The following CEP112 variants were observed in gnomAD, a reference collection of about 807,000 sequenced individuals.
CEP112 encodes centrosomal protein of 112 kDa.
Under a neutral mutation model 153.0 loss-of-function variants are expected in CEP112, and 127 were observed. That is an observed-to-expected ratio of 0.83 (90% CI 0.72 to 0.96). The LOEUF is 0.96. Ranked by LOEUF, CEP112 falls within the 40% of genes least tolerant of loss-of-function variation. The pLI is 0.00. For missense variants in CEP112, 1,089 were observed against 1,101.2 expected, an observed-to-expected ratio of 0.99 and a Z score of 0.16; for synonymous variants, 358 against 374.4, an observed-to-expected ratio of 0.96 and a Z score of 0.51.
At chr17:65,729,911 TCAAACAAACAAA>T (rs67336747) in intron 23 of CEP112, among the ~76,000 whole-genome samples, 19,160 of 151,170 alleles carry the variant, frequency 0.13, 2,244 homozygotes, top group African/African-American at 0.31. Flanking sequence ...AGATCCTGTC[TCAAACAAACAAA>T]CAAACAAACA....
intron 8 of CEP112, among the ~76,000 whole-genome samples, chr17:66,094,612 C>T (rs909524494): frequency 1.3e-5 from 2 of 151,872 alleles, no homozygotes; most frequent in South Asian, 2.1e-4. Flanking sequence ...GGATATGAAC[C>T]GAAAAGCATA....
chr17:65,806,225 A>C (rs566812823), intron 21 of CEP112, among the ~76,000 whole-genome samples: 1 of 152,342 alleles, frequency 6.6e-6, no homozygotes, highest in Admixed American at 6.5e-5. Flanking sequence ...ATGCATAAAC[A>C]AGTAAAACAA....
intron 20 of CEP112, among the ~76,000 whole-genome samples, chr17:65,869,218 T>C (rs570770789): frequency 6.6e-6 from 1 of 152,356 alleles, no homozygotes; most frequent in South Asian, 2.1e-4. Context: ...TATTTAGAAA[T>C]ACAGCCAGCA....
intron 21 of CEP112, among the ~76,000 whole-genome samples, chr17:65,800,525 G>A (rs1287443428): frequency 6.6e-6 from 1 of 151,974 alleles, no homozygotes; most frequent in Non-Finnish European, 1.5e-5. Flanking sequence ...TGGGAATTTG[G>A]GTTGCTTATA....
At chr17:65,722,862 C>T (rs373100919) in intron 23 of CEP112, among the ~76,000 whole-genome samples, 226 of 152,240 alleles carry the variant, frequency 1.5e-3, no homozygotes, top group African/African-American at 4.9e-3. Flanking sequence ...TTGAAGTGAT[C>T]GGAGCTCAGG....
chr17:65,668,898 T>C (rs902266671), intron 24 of CEP112, among the ~76,000 whole-genome samples: 54 of 152,164 alleles, frequency 3.5e-4, no homozygotes, highest in African/African-American at 1.2e-3. Context: ...TCTCTCTCCA[T>C]CACTCCACTT....
intron 6 of CEP112, among the ~76,000 whole-genome samples, chr17:66,105,796 A>C (rs1329863059): frequency 3.3e-5 from 5 of 152,174 alleles, no homozygotes; most frequent in Non-Finnish European, 5.9e-5. Flanking sequence ...CCATCTCAAA[A>C]AAATGAGCCT....
At chr17:65,777,706 T>C (rs2053762334) in intron 21 of CEP112, among the ~76,000 whole-genome samples, 1 of 152,204 alleles carries the variant, frequency 6.6e-6, no homozygotes, top group Non-Finnish European at 1.5e-5. Flanking sequence ...CTCCCTAAAG[T>C]TTTATTCAAA....
At chr17:65,891,482 C>A (rs543099594) in intron 20 of CEP112, among the ~76,000 whole-genome samples, 33 of 152,242 alleles carry the variant, frequency 2.2e-4, no homozygotes, top group African/African-American at 7.5e-4. Flanking sequence ...ACCATCTATA[C>A]AGCTGCTCAA....
At chr17:65,770,384 C>T (rs1411479142) in intron 21 of CEP112, among the ~76,000 whole-genome samples, 1 of 151,778 alleles carries the variant, frequency 6.6e-6, no homozygotes, top group East Asian at 1.9e-4. Context: ...AAATGCATAT[C>T]CAGTGAAACT....
At chr17:65,904,111 G>A (rs1247919433) in intron 19 of CEP112, among the ~76,000 whole-genome samples, 1 of 152,114 alleles carries the variant, frequency 6.6e-6, no homozygotes, top group Non-Finnish European at 1.5e-5. Flanking sequence ...GGGCAATCAC[G>A]CAAGAGAAAC....
intron 19 of CEP112, 84 bp from the exon 20 acceptor site, chr17:65,902,418 A>T: frequency 8.6e-7 from 1 of 1,168,262 alleles, no homozygotes; most frequent in Non-Finnish European, 1.2e-6. Context: ...TTTTTCTCTA[A>T]TTTGTCCAAG....
At chr17:66,056,152 T>C (rs995721162) in intron 11 of CEP112, among the ~76,000 whole-genome samples, 1 of 151,884 alleles carries the variant, frequency 6.6e-6, no homozygotes, top group African/African-American at 2.4e-5. Context: ...TTACCCAGAG[T>C]TTGATAATGG....
chr17:65,744,222 G>T (rs184691239), intron 22 of CEP112, among the ~76,000 whole-genome samples: 1,481 of 147,790 alleles, frequency 0.01, 25 homozygotes, highest in African/African-American at 0.035. Flanking sequence ...GACTTTATGG[G>T]TTTTTTTGTG....
At chr17:65,858,681 C>T (rs2058204544) in intron 20 of CEP112, among the ~76,000 whole-genome samples, 1 of 152,206 alleles carries the variant, frequency 6.6e-6, no homozygotes, top group Admixed American at 6.5e-5. Context: ...AAGCTGGTTG[C>T]CTACTTCATT....
At chr17:65,916,289 G>GTGTGTGTGTGTATA (rs777844271) in intron 19 of CEP112, among the ~76,000 whole-genome samples, 1 of 147,248 alleles carries the variant, frequency 6.8e-6, no homozygotes. Context: ...GTGTGTGTGT[G>GTGTGTGTGTGTATA]TGTATGTGTG....
intron 6 of CEP112, among the ~76,000 whole-genome samples, chr17:66,114,348 C>T (rs2069189090): frequency 6.6e-6 from 1 of 152,046 alleles, no homozygotes; most frequent in South Asian, 2.1e-4. Flanking sequence ...AATTACTTGG[C>T]ATTTGGTCAA....
At chr17:66,016,334 T>C (rs189419605) in intron 16 of CEP112, among the ~76,000 whole-genome samples, 12 of 152,266 alleles carry the variant, frequency 7.9e-5, no homozygotes, top group African/African-American at 2.6e-4. Flanking sequence ...GACTTGGTGC[T>C]TGATATTCAG....
intron 6 of CEP112, among the ~76,000 whole-genome samples, chr17:66,101,117 GA>G (rs1335699983): frequency 6.6e-6 from 1 of 151,986 alleles, no homozygotes; most frequent in African/African-American, 2.4e-5. Flanking sequence ...TAAACTTTAC[GA>G]ATATTTTTTA....
Sources: gnomAD v4.1 joint callset for allele counts (sites outside exome capture counted in the v4.1 genomes callset) on GRCh38, gnomAD v4.1.1 for gene constraint, MANE v1.5 for transcripts, NCBI Gene and HGNC (gene_info 2026-07-23, HGNC 2026-07-21) for gene names.